Variants in KCNJ6 observed in about 807,000 individuals in gnomAD.
KCNJ6 encodes G protein-activated inward rectifier potassium channel 2.
KCNJ6 carries 9 observed loss-of-function variants against 34.2 expected under a neutral mutation model. The observed-to-expected ratio is 0.26, with a 90% confidence interval of 0.16 to 0.46. The LOEUF is 0.46. Ranked by LOEUF, KCNJ6 falls within the 20% of genes least tolerant of loss-of-function variation. KCNJ6 has a pLI of 1.00. For synonymous variants in KCNJ6, 196 were observed against 207.1 expected, an observed-to-expected ratio of 0.95 and a Z score of 0.46; for missense variants, 236 against 531.3, an observed-to-expected ratio of 0.44 and a Z score of 5.46.
At chr21:37,789,483 A>G (rs2123520336) in intron 2 of KCNJ6, among the ~76,000 whole-genome samples, 1 of 152,328 alleles carries the variant, frequency 6.6e-6, no homozygotes, top group East Asian at 1.9e-4. Flanking sequence ...TGGCACCATG[A>G]TCTTGGACTT....
In KCNJ6 at chr21:37,916,135, C is replaced by A. The variant is rs1423634139; in HGVS notation, c.-279G>T. ...GTCCGCGGGTCTCCACCCCTCCGCC[C>A]GCCCAGCCTCTCCAGCCAGGTGCGG... On this transcript the variant is annotated 5_prime_UTR_variant, in exon 1 of 4. Transcript: ENST00000609713. 1 of 152,406 alleles carries A rather than the reference C, an allele frequency of 6.6e-6. No individual in the cohort carries two copies. Among genetic ancestry groups the A allele is most frequent in the Non-Finnish European group, 1.5e-5 (1 of 68,270 alleles). 9.4% of individuals were successfully genotyped at this position (152,406 alleles called of 1,614,324 possible).
intron 2 of KCNJ6, among the ~76,000 whole-genome samples, chr21:37,837,083 T>C (rs2055455526): frequency 6.6e-6 from 1 of 152,012 alleles, no homozygotes; most frequent in South Asian, 2.1e-4. Context: ...TCCTCCTCAA[T>C]ACCCCCTTCT....
At chr21:37,650,174 T>A (rs1232463312) in intron 3 of KCNJ6, among the ~76,000 whole-genome samples, 1 of 152,184 alleles carries the variant, frequency 6.6e-6, no homozygotes, top group East Asian at 1.9e-4. Flanking sequence ...TGGCCACACA[T>A]TAAGCCCAGG....
chr21:37,833,970 C>G, intron 2 of KCNJ6, among the ~76,000 whole-genome samples: 1 of 152,160 alleles, frequency 6.6e-6, no homozygotes, highest in Non-Finnish European at 1.5e-5. Flanking sequence ...CTTCGCCAAG[C>G]CTCTCTCCTA....
intron 3 of KCNJ6, among the ~76,000 whole-genome samples, chr21:37,626,601 G>GTGGC (rs1229219689): frequency 1.3e-5 from 2 of 152,138 alleles, no homozygotes; most frequent in African/African-American, 4.8e-5. Context: ...GGCAACAAGT[G>GTGGC]TGGCATAAGA....
At chr21:37,645,931 C>T (rs1279816308) in intron 3 of KCNJ6, among the ~76,000 whole-genome samples, 2 of 141,520 alleles carry the variant, frequency 1.4e-5, no homozygotes, top group South Asian at 2.5e-4. Context: ...GTTAATAAAA[C>T]GGGGGTAAAA....
chr21:37,617,098 T>TTCTG lies in KCNJ6; in HGVS notation c.*8060_*8061insCAGA, dbSNP rs57401319. The stretch of plus-strand genomic sequence containing the variant: ...TTTTCTTTCTTTTTCTTTCTTTCTT[T>TTCTG]TCTTTCTTTCTTTCCTTCTTCCTTC... On this transcript the variant is annotated 3_prime_UTR_variant, in exon 4 of 4. Coordinates refer to ENST00000609713, the MANE Select transcript of KCNJ6 (RefSeq NM_002240.5). 5.2e-5 allele frequency: 7 copies of TTCTG among 135,378 alleles called. 1 individual carries two copies. Among genetic ancestry groups the TTCTG allele is most frequent in the Non-Finnish European group, 9.4e-5 (6 of 63,508 alleles). The allele number at this position is 135,378 out of a possible 1,614,324, so 8.4% of individuals were successfully genotyped here.
At chr21:37,888,228 C>T (rs146648362) in intron 1 of KCNJ6, among the ~76,000 whole-genome samples, 121 of 152,310 alleles carry the variant, frequency 7.9e-4, no homozygotes, top group Non-Finnish European at 1.4e-3. Context: ...TTCTGATTCC[C>T]CTCAGACACT....
rs963369191 is a variant in KCNJ6 at position 37,887,017 on chromosome 21, C to G, written c.-28+28867G>C. Among the ~76,000 whole-genome samples, 3 of 151,594 alleles carry G rather than the reference C, an allele frequency of 2.0e-5. No homozygotes were observed. The South Asian group carries it at 6.3e-4, about 32-fold the overall frequency. ...GTAGTGTGGGCCATCCACCCCCACT[C>G]CCAGGAAGAAAGCCCTTCCTTCCCT... is the stretch of plus-strand genomic sequence containing the variant. On this transcript the variant is annotated intron_variant, in intron 1 of 3. Coordinates refer to ENST00000609713, the MANE Select transcript of KCNJ6 (RefSeq NM_002240.5).
At position 37,614,545 on chromosome 21, in the gene KCNJ6, CGTGTGTGTGTATGCGTGT is replaced by C. The variant is rs2054256571; in HGVS notation, c.*10596_*10613del. The C allele has an allele frequency of 9.9e-6, 1 of 101,098 alleles. No homozygotes were observed. Among genetic ancestry groups the C allele is most frequent in the African/African-American group, 3.8e-5 (1 of 26,162 alleles). 6.3% of individuals were successfully genotyped at this position (101,098 alleles called of 1,614,324 possible). On this transcript the variant is annotated 3_prime_UTR_variant, in exon 4 of 4. Coordinates refer to ENST00000609713, the MANE Select transcript of KCNJ6 (RefSeq NM_002240.5). ...GTGTGTATGCATGTCTCTGTGTATG[CGTGTGTGTGTATGCGTGT>C]GTGTATGCATGTGTCTCTGTATGCA...
At chr21:37,627,404 G>A (rs933315368) in intron 3 of KCNJ6, among the ~76,000 whole-genome samples, 1 of 152,158 alleles carries the variant, frequency 6.6e-6, no homozygotes, top group African/African-American at 2.4e-5. Flanking sequence ...CTCAAACAAC[G>A]TTTCTCTTCT....
intron 1 of KCNJ6, among the ~76,000 whole-genome samples, chr21:37,849,374 C>T (rs1186144164): frequency 6.6e-6 from 1 of 152,194 alleles, no homozygotes; most frequent in Admixed American, 6.5e-5. Context: ...CTTGCGGTGG[C>T]CAATGCCTCT....
intron 1 of KCNJ6, among the ~76,000 whole-genome samples, chr21:37,892,496 T>C (rs2055767012): frequency 1.3e-5 from 2 of 152,174 alleles, no homozygotes; most frequent in Admixed American, 1.3e-4. Context: ...TGTAAAAAAA[T>C]CTGGTGGCTC....
At chr21:37,856,621 G>T (rs1342120808) in intron 1 of KCNJ6, among the ~76,000 whole-genome samples, 1 of 152,204 alleles carries the variant, frequency 6.6e-6, no homozygotes, top group Non-Finnish European at 1.5e-5. Flanking sequence ...AATGGAGAGA[G>T]AGAGAGAGAG....
chr21:37,638,928 G>A (rs754051976), intron 3 of KCNJ6, among the ~76,000 whole-genome samples: 10 of 152,092 alleles, frequency 6.6e-5, no homozygotes, highest in Admixed American at 1.3e-4. Flanking sequence ...CTTTCGGAAC[G>A]GTCACATCCT....
intron 1 of KCNJ6, among the ~76,000 whole-genome samples, chr21:37,874,708 GA>G (rs1486988653): frequency 6.6e-6 from 1 of 152,174 alleles, no homozygotes; most frequent in African/African-American, 2.4e-5. Flanking sequence ...GGAATGATGG[GA>G]GGGTGACAAT....
At chr21:37,767,363 C>T (rs1374788262) in intron 2 of KCNJ6, among the ~76,000 whole-genome samples, 3 of 152,202 alleles carry the variant, frequency 2.0e-5, no homozygotes, top group African/African-American at 7.2e-5. Flanking sequence ...GTCAAAAGGA[C>T]AGTAGAATTG....
intron 3 of KCNJ6, among the ~76,000 whole-genome samples, chr21:37,671,145 C>T (rs1056870435): frequency 2.0e-5 from 3 of 152,128 alleles, no homozygotes; most frequent in East Asian, 1.9e-4. Context: ...AGATAGCTTC[C>T]GGGTGGGGGC....
In KCNJ6 at chr21:37,619,879, C is replaced by T. The variant is rs757972398; in HGVS notation, c.*5280G>A. 3 of 152,152 alleles carry T rather than the reference C, an allele frequency of 2.0e-5. No individual in the cohort carries two copies. The highest frequency in any genetic ancestry group is 6.5e-5 in the Admixed American group (1 of 15,274). 9.4% of individuals were successfully genotyped at this position (152,152 alleles called of 1,614,324 possible). On this transcript the variant is annotated 3_prime_UTR_variant, in exon 4 of 4. Transcript: ENST00000609713. ...CATTAAGGAGTAATTTTACTGTATCCACTTTCTGAGTTGACCGCTAGATCC... is the reference window on the plus strand; with the variant it reads ...CATTAAGGAGTAATTTTACTGTATCTACTTTCTGAGTTGACCGCTAGATCC...
Sources: allele counts gnomAD v4.1 joint callset (sites outside exome capture counted in the v4.1 genomes callset), GRCh38; gene constraint gnomAD v4.1.1; transcripts MANE v1.5; gene names NCBI Gene and HGNC (gene_info 2026-07-23, HGNC 2026-07-21).